The following VPS13B variants were observed in gnomAD, a reference collection of about 807,000 sequenced individuals.
VPS13B encodes the protein intermembrane lipid transfer protein VPS13B.
In VPS13B, 285 loss-of-function variants were observed where a neutral mutation model predicts 426.4. That is an observed-to-expected ratio of 0.67 (90% CI 0.61 to 0.74). The LOEUF is 0.74. Ranked by LOEUF, VPS13B falls within the 30% of genes least tolerant of loss-of-function variation. The probability of loss-of-function intolerance (pLI) is 0.00; values close to 1 mark genes in which losing one functional copy is unlikely to be tolerated. For missense variants in VPS13B, 4,537 were observed against 4,782.6 expected, an observed-to-expected ratio of 0.95 and a Z score of 1.51; for synonymous variants, 1,676 against 1,676.4, an observed-to-expected ratio of 1.00 and a Z score of 0.01.
In VPS13B at chr8:99,629,216, A is replaced by G. The variant is rs557309846; in HGVS notation, c.5221-12595A>G. 3.9e-5 allele frequency among the ~76,000 whole-genome samples: 6 copies of G among 152,352 alleles called. No homozygotes were observed. The South Asian group carries it at 1.2e-3, about 32-fold the overall frequency. On this transcript the variant is annotated intron_variant, in intron 33 of 61. Transcript: ENST00000357162. ...GTGCACATAGAAAAGTTCCTGGAGC[A>G]TACTGTGCATCCAGTAAGTGTTACC...
intron 17 of VPS13B, chr8:99,234,593 T>A (rs971540635): frequency 9.9e-6 from 4 of 402,868 alleles, no homozygotes; most frequent in Non-Finnish European, 1.9e-5. Flanking sequence ...CTGGCGAGAG[T>A]TGGGTAGTGC....
intron 19 of VPS13B, among the ~76,000 whole-genome samples, chr8:99,300,796 A>G (rs1820316784): frequency 6.6e-6 from 1 of 151,958 alleles, no homozygotes; most frequent in Non-Finnish European, 1.5e-5. Flanking sequence ...GTGTACCTCA[A>G]GTATCCCACT....
rs1206203704 is a variant in VPS13B, at chr8:99,624,007, A to ATATT, written c.5221-17803_5221-17802insATTT. Among the ~76,000 whole-genome samples, 255 of 101,084 alleles carry ATATT rather than the reference A, an allele frequency of 2.5e-3. 12 individuals are homozygous for ATATT. The highest frequency in any genetic ancestry group is 5.4e-3 in the African/African-American group (122 of 22,772). The allele number at this position is 101,084 out of a possible 152,430, so 66.3% of individuals were successfully genotyped here. ...CTATGAAACATACATATATATATAT[A>ATATT]TTTTTTTTTTTTTTTTTTTTTTTTT... On this transcript the variant is annotated intron_variant, in intron 33 of 61. Transcript: ENST00000357162.
At chr8:99,206,044 T>C (rs1372896231) in intron 17 of VPS13B, among the ~76,000 whole-genome samples, 1 of 152,228 alleles carries the variant, frequency 6.6e-6, no homozygotes, top group African/African-American at 2.4e-5. Flanking sequence ...ATATATATTT[T>C]TGTTATTCGT....
chr8:99,605,342 G>T (rs991903784), intron 33 of VPS13B, among the ~76,000 whole-genome samples: 4 of 152,090 alleles, frequency 2.6e-5, no homozygotes, highest in African/African-American at 9.7e-5. Context: ...GACTAGAGAA[G>T]TTTCTTTCTA....
chr8:99,316,660 C>T (rs967496295), intron 19 of VPS13B, among the ~76,000 whole-genome samples: 1 of 152,076 alleles, frequency 6.6e-6, no homozygotes, highest in African/African-American at 2.4e-5. Context: ...AAGCATGCTC[C>T]CTCACTTCTT....
intron 24 of VPS13B, among the ~76,000 whole-genome samples, chr8:99,470,115 G>C (rs749736487): frequency 6.6e-6 from 1 of 152,142 alleles, no homozygotes; most frequent in Non-Finnish European, 1.5e-5. Flanking sequence ...ATGGTACTTT[G>C]TTATGGCGGC....
chr8:99,750,651 T>C (rs16897659), intron 39 of VPS13B, among the ~76,000 whole-genome samples: 321 of 152,262 alleles, frequency 2.1e-3, no homozygotes, highest in African/African-American at 7.5e-3. Context: ...GTGCTTATTC[T>C]ACACAAGGCA....
chr8:99,734,088 T>C (rs1168683004), intron 39 of VPS13B, among the ~76,000 whole-genome samples: 2 of 152,222 alleles, frequency 1.3e-5, no homozygotes, highest in Non-Finnish European at 2.9e-5. Context: ...ATCTGCCTAT[T>C]CTGGACATTT....
intron 50 of VPS13B, 73 bp from the exon 51 acceptor site, chr8:99,823,759 T>C: frequency 2.7e-6 from 4 of 1,503,876 alleles, no homozygotes; most frequent in Non-Finnish European, 3.7e-6. Flanking sequence ...AAAATAACCT[T>C]TTAGGAATAC....
chr8:99,144,561 T>G (rs1311848318), intron 13 of VPS13B, among the ~76,000 whole-genome samples: 1 of 152,034 alleles, frequency 6.6e-6, no homozygotes, highest in Non-Finnish European at 1.5e-5. Context: ...GCAACTTTAC[T>G]GTTACCTTAA....
intron 19 of VPS13B, among the ~76,000 whole-genome samples, chr8:99,372,992 G>T (rs1482778607): frequency 3.3e-5 from 5 of 152,146 alleles, no homozygotes; most frequent in Admixed American, 3.3e-4. Context: ...TCACAAAAAA[G>T]AATGAGTTCA....
In VPS13B at chr8:99,661,455, A is replaced by T; in HGVS notation, c.6010A>T (p.Ile2004Leu). 6.2e-7 allele frequency: 1 copy of T among 1,613,554 alleles called. No individual in the cohort carries two copies. The highest frequency in any genetic ancestry group is 8.5e-7 in the Non-Finnish European group (1 of 1,179,784). Reference protein sequence around the residue: ...DSKSGIPPSFITLQIKDFLNG... With the variant: ...DSKSGIPPSFLTLQIKDFLNG... ...CAAAAGTGGTATTCCACCTTCCTTT[A>T]TAACACTACAGATTAAAGACTTTCT... The change falls in exon 35 of 62, where the codon ATA (isoleucine) becomes TTA (leucine). Residue 2004 changes from isoleucine to leucine, a missense_variant. Physicochemically the swap from Ile to Leu is conservative, Grantham distance 5. Transcript: ENST00000357162.
intron 17 of VPS13B, among the ~76,000 whole-genome samples, chr8:99,261,380 A>G (rs1818030419): frequency 6.6e-6 from 1 of 152,104 alleles, no homozygotes; most frequent in Admixed American, 6.6e-5. Context: ...TTCTCTTAGT[A>G]ATGTGCGTTA....
rs139586722 is a variant in VPS13B, at chr8:99,575,703, G to A, written c.4995G>A (p.Leu1665=). The A allele has an allele frequency of 3.7e-6, 6 of 1,613,814 alleles. No homozygotes were observed. The African/African-American group carries it at 8.0e-5, about 22-fold the overall frequency. The change falls in exon 32 of 62, where the codon TTG becomes TTA. Residue 1665 remains leucine, a synonymous_variant. Coordinates refer to ENST00000357162, the MANE Select transcript of VPS13B (RefSeq NM_152564.5). The part of the protein sequence containing the change: ...QERRAILTPV[L]TDFSVRITGA... ...GGAGAGCAATTTTGACCCCCGTTTT[G>A]ACAGATTTTTCTGTCCGAATAACTG...
At chr8:99,676,993 G>A (rs771944677) in intron 35 of VPS13B, among the ~76,000 whole-genome samples, 4 of 152,144 alleles carry the variant, frequency 2.6e-5, no homozygotes, top group East Asian at 1.9e-4. Context: ...GTGCATGCCT[G>A]TAATACCAGC....
intron 29 of VPS13B, among the ~76,000 whole-genome samples, chr8:99,514,415 AC>A (rs1336202828): frequency 1.3e-5 from 2 of 152,156 alleles, no homozygotes; most frequent in African/African-American, 4.8e-5. Context: ...GTCACCCCAA[AC>A]AAAAGCTCTG....
At chr8:99,728,891 C>T (rs1833470608) in intron 39 of VPS13B, among the ~76,000 whole-genome samples, 1 of 152,210 alleles carries the variant, frequency 6.6e-6, no homozygotes, top group Admixed American at 6.5e-5. Flanking sequence ...GATAGGAACC[C>T]AGGGGAATAT....
At chr8:99,017,948 A>T (rs1350982298) in intron 2 of VPS13B, among the ~76,000 whole-genome samples, 3 of 152,214 alleles carry the variant, frequency 2.0e-5, no homozygotes, top group Non-Finnish European at 4.4e-5. Context: ...GAGTTTTTCA[A>T]TTCATGTACA....
Sources: allele counts gnomAD v4.1 joint callset (sites outside exome capture counted in the v4.1 genomes callset), GRCh38; gene constraint gnomAD v4.1.1; transcripts MANE v1.5; gene names NCBI Gene and HGNC (gene_info 2026-07-23, HGNC 2026-07-21).